RANBP1: variants seen among roughly 807,000 people sequenced by gnomAD.
RANBP1 encodes RAN binding protein 1.
In RANBP1, 16 loss-of-function variants were observed where a neutral mutation model predicts 31.4. That is an observed-to-expected ratio of 0.51 (90% CI 0.34 to 0.77). The LOEUF is 0.77. Ranked by LOEUF, RANBP1 falls within the 30% of genes least tolerant of loss-of-function variation. The probability of loss-of-function intolerance (pLI) is 0.01; values close to 1 mark genes in which losing one functional copy is unlikely to be tolerated. For synonymous variants in RANBP1, 129 were observed against 140.5 expected, an observed-to-expected ratio of 0.92 and a Z score of 0.58; for missense variants, 265 against 362.0, an observed-to-expected ratio of 0.73 and a Z score of 2.17.
At chr22:20,117,984 C>T (rs2050081741) in intron 1 of RANBP1, 20 of 1,000,010 alleles carry the variant, frequency 2.0e-5, no homozygotes, top group Non-Finnish European at 2.3e-5. Flanking sequence ...CGGCGGGTTT[C>T]CTCCGGCTCG....
chr22:20,116,964 G>A, intron 1 of RANBP1: 1 of 1,560,740 alleles, frequency 6.4e-7, no homozygotes, highest in Non-Finnish European at 8.7e-7. Context: ...TGGCCACCTC[G>A]TCCTGGGCCT....
At chr22:20,117,760 C>T (rs1348595465) in intron 1 of RANBP1, 7 of 1,071,990 alleles carry the variant, frequency 6.5e-6, no homozygotes, top group East Asian at 6.8e-5. Flanking sequence ...CACCAACCTC[C>T]GCCGGCCTGC....
Position 20,121,342 on chromosome 22 carries a change from C to T in RANBP1, c.384-922C>T, listed in dbSNP as rs138393710. On this transcript the variant is annotated intron_variant, in intron 2 of 5. Coordinates refer to ENST00000430524, the MANE Select transcript of RANBP1 (RefSeq NM_001278639.2). The stretch of plus-strand genomic sequence containing the variant: ...TCAGCTCGCCGCAACCTCTGCCTCC[C>T]GGCTTCAAGGGATTCTCCTGCCTCA... Among the ~76,000 whole-genome samples the T allele has an allele frequency of 2.6e-3, 400 of 152,198 alleles. 1 individual carries two copies. The highest frequency in any genetic ancestry group is 9.2e-3 in the African/African-American group (383 of 41,522).
chr22:20,125,120 C>G (rs2050266971), intron 3 of RANBP1, 188 bp from the exon 4 acceptor site: 1 of 630,516 alleles, frequency 1.6e-6, no homozygotes, highest in African/African-American at 1.9e-5. Context: ...GGAGGATTTT[C>G]AAAGAGGTTT....
At position 20,127,085 on chromosome 22, in the gene RANBP1, C is replaced by G. The variant is rs755337721; in HGVS notation, c.*33C>G. 36 of 1,542,306 alleles carry G rather than the reference C, an allele frequency of 2.3e-5. No homozygotes were observed. In the South Asian group the frequency reaches 4.3e-4, roughly 18 times the overall value. ...TATTTTATTTTCTTTTCCTCTCTTTCCTTTCCTTTTTTTAAAAAATTTTAC... is the reference window on the plus strand; with the variant it reads ...TATTTTATTTTCTTTTCCTCTCTTTGCTTTCCTTTTTTTAAAAAATTTTAC... On this transcript the variant is annotated 3_prime_UTR_variant, in exon 6 of 6. Coordinates refer to ENST00000430524, the MANE Select transcript of RANBP1 (RefSeq NM_001278639.2).
chr22:20,122,350 A>G lies in RANBP1; in HGVS notation c.470A>G (p.His157Arg), dbSNP rs2050190313. 6.2e-7 allele frequency: 1 copy of G among 1,613,082 alleles called. No individual in the cohort carries two copies. The highest frequency in any genetic ancestry group is 8.5e-7 in the Non-Finnish European group (1 of 1,179,996). Reference sequence around the variant, plus strand: ...ACTGGTGACGTCAAGCTCCTGAAGCACAAGGAGAAAGGGGCCATCCGCCTC... The same window carrying G: ...ACTGGTGACGTCAAGCTCCTGAAGCGCAAGGAGAAAGGGGCCATCCGCCTC... The part of the protein sequence containing the change: ...RGTGDVKLLK[H>R]KEKGAIRLLM... Residue 157 changes from histidine to arginine, a missense_variant, in exon 3 of 6, where the codon CAC becomes CGC. This residue lies in a region of RANBP1 where 90 missense variants were observed against 190.5 expected (regional missense o/e 0.47). Coordinates refer to ENST00000430524, the MANE Select transcript of RANBP1 (RefSeq NM_001278639.2).
intron 5 of RANBP1, 179 bp from the exon 6 acceptor site, chr22:20,126,773 T>G: frequency 7.5e-7 from 1 of 1,337,922 alleles, no homozygotes; most frequent in Non-Finnish European, 1.0e-6. Context: ...CCTGGCTTCC[T>G]TTCGTCACTG....
rs779980115 is a variant in RANBP1, at chr22:20,117,668, C to T, written c.246+1238C>T. On this transcript the variant is annotated intron_variant, in intron 1 of 5. Coordinates refer to ENST00000430524, the MANE Select transcript of RANBP1 (RefSeq NM_001278639.2). ...CGCCCCCATGGCGGCCGCCAAGGTG[C>T]CGCCGGGCCCAAGCGGGGACAGGGT... 15 of 1,136,664 alleles carry T rather than the reference C, an allele frequency of 1.3e-5. No individual in the cohort carries two copies. The Admixed American group carries it at 5.1e-4, about 39-fold the overall frequency. 70.4% of individuals were successfully genotyped at this position (1,136,664 alleles called of 1,614,324 possible).
chr22:20,117,571 G>A (rs1169049926), intron 1 of RANBP1: 24 of 1,410,838 alleles, frequency 1.7e-5, no homozygotes, highest in African/African-American at 4.5e-5. Context: ...GCGGAGGGAA[G>A]GAGCTACGAG....
chr22:20,117,523 A>G (rs2050063560), intron 1 of RANBP1: 1 of 922,260 alleles, frequency 1.1e-6, no homozygotes, highest in Non-Finnish European at 1.4e-6. Flanking sequence ...CGTGGGGCGG[A>G]GGGAAGAGCG....
chr22:20,125,679 C>CT, intron 4 of RANBP1: 3 of 1,378,064 alleles, frequency 2.2e-6, no homozygotes, highest in East Asian at 5.9e-5. Context: ...CCCGCTCAGC[C>CT]GCCTTGTGGC....
At chr22:20,122,624 A>G in intron 3 of RANBP1, 1 of 1,513,522 alleles carries the variant, frequency 6.6e-7, no homozygotes, top group East Asian at 2.6e-5. Flanking sequence ...AGCTTAGAGC[A>G]CACGGGGGTG....
Position 20,119,557 on chromosome 22 carries a change from T to C in RANBP1, c.383+408T>C, listed in dbSNP as rs2050130069. On this transcript the variant is annotated intron_variant, in intron 2 of 5. Coordinates refer to ENST00000430524, the MANE Select transcript of RANBP1 (RefSeq NM_001278639.2). ...GTTGTTGTTGTTTTGAGATGGAGTC[T>C]CGCTCTGTCGCCCAGGCTGGAGTGC... The C allele has an allele frequency of 1.6e-5, 3 of 192,914 alleles. No individual in the cohort carries two copies. In the South Asian group the frequency reaches 2.7e-4, roughly 17 times the overall value. The allele number at this position is 192,914 out of a possible 1,614,324, so 12.0% of individuals were successfully genotyped here.
chr22:20,118,986 C>A, intron 1 of RANBP1, 27 bp from the exon 2 acceptor site: 1 of 1,606,152 alleles, frequency 6.2e-7, no homozygotes, highest in Non-Finnish European at 8.5e-7. Flanking sequence ...CATAGGCCAG[C>A]AGTGTAACCT....
intron 1 of RANBP1, chr22:20,117,221 C>T (rs1370964051): frequency 3.7e-6 from 2 of 537,976 alleles, no homozygotes; most frequent in Non-Finnish European, 6.1e-6. Flanking sequence ...GGCCGAGCGT[C>T]TCTATGATCC....
rs546495027 is a variant in RANBP1, at chr22:20,122,134, G to T, written c.384-130G>T. 92 of 981,060 alleles carry T rather than the reference G, an allele frequency of 9.4e-5. No homozygotes were observed. In the Middle Eastern group the frequency reaches 3.6e-3, roughly 39 times the overall value. 60.8% of individuals were successfully genotyped at this position (981,060 alleles called of 1,614,324 possible). On this transcript the variant is annotated intron_variant, in intron 2 of 5. Transcript: ENST00000430524. The stretch of plus-strand genomic sequence containing the variant: ...GGTGTTGTGACGGGCAGTTCTTGGA[G>T]CCTGAAGAAGGGCTGGGGCGTTCGT...
intron 3 of RANBP1, among the ~76,000 whole-genome samples, chr22:20,122,954 T>G (rs1602544601): frequency 1.4e-5 from 1 of 71,014 alleles, no homozygotes; most frequent in African/African-American, 6.0e-5. Context: ...TGGTTGGGTG[T>G]GGTGTTTGGG....
At chr22:20,117,227 G>A in intron 1 of RANBP1, 1 of 534,830 alleles carries the variant, frequency 1.9e-6, no homozygotes, top group South Asian at 3.4e-5. Context: ...GCGTCTCTAT[G>A]ATCCTGGCTT....
At chr22:20,126,836 C>G in intron 5 of RANBP1, 116 bp from the exon 6 acceptor site, 2 of 1,416,728 alleles carry the variant, frequency 1.4e-6, no homozygotes, top group Middle Eastern at 1.8e-4. Context: ...GGAGTCTGTC[C>G]CGAGGGCGGG....
Sources: allele counts gnomAD v4.1 joint callset (sites outside exome capture counted in the v4.1 genomes callset), GRCh38; gene constraint gnomAD v4.1.1; regional missense constraint gnomAD v4.1.1; transcripts MANE v1.5; gene names NCBI Gene and HGNC (gene_info 2026-07-23, HGNC 2026-07-21).